Variants in AFF4 observed in about 807,000 individuals in gnomAD.
The protein encoded by AFF4 is AF4/FMR2 family member 4.
Under a neutral mutation model 124.8 loss-of-function variants are expected in AFF4, and 13 were observed. The ratio of observed to expected loss-of-function variants is 0.10; its 90% CI spans 0.07 to 0.17. The LOEUF is 0.17. Ranked by LOEUF, AFF4 falls within the 10% of genes least tolerant of loss-of-function variation. The pLI, the probability that AFF4 is intolerant of heterozygous loss-of-function variation, is 1.00. For missense variants in AFF4, 1,092 were observed against 1,403.8 expected (o/e 0.78, Z 3.55); for synonymous variants, 477 against 496.1 (o/e 0.96, Z 0.51).
intron 5 of AFF4, among the ~76,000 whole-genome samples, chr5:132,911,565 G>GA (rs1470936871): frequency 2.7e-5 from 4 of 146,276 alleles, no homozygotes; most frequent in Admixed American, 6.8e-5. Flanking sequence ...CAAAAAAAAA[G>GA]AAAAAAAAAG....
At chr5:132,947,019 T>TG (rs1761715452) in intron 1 of AFF4, among the ~76,000 whole-genome samples, 1 of 152,134 alleles carries the variant, frequency 6.6e-6, no homozygotes, top group Non-Finnish European at 1.5e-5. Flanking sequence ...ATCATGCCAC[T>TG]GCACTTTGTG....
intron 3 of AFF4, among the ~76,000 whole-genome samples, chr5:132,933,725 C>G (rs1236686055): frequency 6.6e-6 from 1 of 151,930 alleles, no homozygotes; most frequent in East Asian, 1.9e-4. Context: ...TTCCACAGAC[C>G]CAAAAGTCCC....
intron 5 of AFF4, among the ~76,000 whole-genome samples, chr5:132,909,537 CGTGT>C (rs144739211): frequency 5.3e-5 from 8 of 151,010 alleles, no homozygotes; most frequent in East Asian, 1.9e-4. Flanking sequence ...TGGTGGTGTG[CGTGT>C]GTGTGTGTGT....
At chr5:132,916,303 TTATCAA>T (rs1244732135) in intron 5 of AFF4, among the ~76,000 whole-genome samples, 2 of 150,412 alleles carry the variant, frequency 1.3e-5, no homozygotes, top group Admixed American at 1.3e-4. Flanking sequence ...TAGCTCATGC[TTATCAA>T]CCCAGTGCTT....
chr5:132,932,150 TTGAAA>T lies in AFF4; in HGVS notation c.963+23_963+27del, dbSNP rs1160368294. 4 of 1,551,980 alleles carry T rather than the reference TTGAAA, an allele frequency of 2.6e-6. No homozygotes were observed. In the African/African-American group the frequency reaches 5.5e-5, roughly 22 times the overall value. ...GGCAGAGCATAAAAAATTAAAGAAA[TTGAAA>T]TGATTTTTTTTAAAAAACTTACTTT... On this transcript the variant is annotated intron_variant, in intron 4 of 20. Coordinates refer to ENST00000265343, the MANE Select transcript of AFF4 (RefSeq NM_014423.4).
intron 1 of AFF4, among the ~76,000 whole-genome samples, chr5:132,957,964 A>T (rs1450626890): frequency 6.6e-6 from 1 of 152,174 alleles, no homozygotes; most frequent in Non-Finnish European, 1.5e-5. Context: ...ACCTAAACCC[A>T]ATGTAATATT....
Position 132,963,481 on chromosome 5 carries a change from G to C in AFF4, c.-227C>G, listed in dbSNP as rs904193227. The stretch of plus-strand genomic sequence containing the variant: ...ATGCGCCTCACACGGAACAGGCGTA[G>C]GCCCCGCACCGCTCCATGACGGTCG... On this transcript the variant is annotated 5_prime_UTR_variant, in exon 1 of 21. Transcript: ENST00000265343. 1 of 397,918 alleles carries C rather than the reference G, an allele frequency of 2.5e-6. No homozygotes were observed. Among genetic ancestry groups the C allele is most frequent in the African/African-American group, 2.1e-5 (1 of 48,588 alleles). The allele number at this position is 397,918 out of a possible 1,614,324, so 24.6% of individuals were successfully genotyped here.
rs145535591 is a variant in AFF4, at chr5:132,918,473, T to C, written c.1050+8648A>G. On this transcript the variant is annotated intron_variant, in intron 5 of 20. Transcript: ENST00000265343. ...GGTCAGGAGTTAGAGACCACCCTCG[T>C]CAACATGGTAAAACCTCGTCTCTAC... is the stretch of plus-strand genomic sequence containing the variant. 7.3e-4 allele frequency among the ~76,000 whole-genome samples: 111 copies of C among 152,036 alleles called. 1 individual carries two copies. Among genetic ancestry groups the C allele is most frequent in the Middle Eastern group, 6.8e-3 (2 of 294 alleles).
chr5:132,920,384 T>TCTCA (rs946255938), intron 5 of AFF4, among the ~76,000 whole-genome samples: 1 of 137,514 alleles, frequency 7.3e-6, no homozygotes, highest in African/African-American at 2.8e-5. Context: ...TGAGACAAGG[T>TCTCA]CTCACTCTGT....
intron 1 of AFF4, among the ~76,000 whole-genome samples, chr5:132,956,011 G>T (rs77457765): frequency 0.026 from 3,862 of 149,904 alleles, 145 homozygotes; most frequent in African/African-American, 0.089. Flanking sequence ...CGTAATACAT[G>T]TAAATATATG....
chr5:132,910,080 G>T (rs951884552), intron 5 of AFF4, among the ~76,000 whole-genome samples: 1 of 152,062 alleles, frequency 6.6e-6, no homozygotes, highest in Non-Finnish European at 1.5e-5. Flanking sequence ...CAAATGTTTG[G>T]TACAGGCAAA....
At chr5:132,899,338 A>T (rs1030825145) in intron 8 of AFF4, among the ~76,000 whole-genome samples, 197 bp from the exon 9 acceptor site, 1 of 152,208 alleles carries the variant, frequency 6.6e-6, no homozygotes, top group Non-Finnish European at 1.5e-5. Flanking sequence ...AATAGTTATT[A>T]TTGTCAATAA....
At position 132,883,394 on chromosome 5, in the gene AFF4, G is replaced by T. The variant is rs1346113741; in HGVS notation, c.3310C>A (p.Leu1104Ile). ...TGGTCCCAAATTTCGGTGGCATAGA[G>T]GAAGTTGGATGTGACCTGAACATAG... Reference protein sequence around the residue: ...ASYVQVTSNFLYATEIWDQAE... With the variant: ...ASYVQVTSNFIYATEIWDQAE... Residue 1104 changes from leucine (L) to isoleucine (I), a missense_variant, in exon 20 of 21, where the codon CTC (leucine) becomes ATC (isoleucine). Physicochemically the swap from Leu to Ile is conservative, Grantham distance 5 (BLOSUM62 2). Coordinates refer to ENST00000265343, the MANE Select transcript of AFF4 (RefSeq NM_014423.4). 5 of 1,613,960 alleles carry T rather than the reference G, an allele frequency of 3.1e-6. No individual in the cohort carries two copies. The highest frequency in any genetic ancestry group is 4.2e-6 in the Non-Finnish European group (5 of 1,180,034).
chr5:132,881,886 G>A (rs895353429), intron 20 of AFF4, among the ~76,000 whole-genome samples: 8 of 148,264 alleles, frequency 5.4e-5, no homozygotes, highest in African/African-American at 2.0e-4. Context: ...GGCTGGTCTC[G>A]AACTCCTGAC....
Position 132,875,930 on chromosome 5 carries a change from C to G in AFF4, c.*5129G>C. On this transcript the variant is annotated 3_prime_UTR_variant, in exon 21 of 21. Transcript: ENST00000265343. ...AGTACCTTTCTGCAAAATCAACAGG[C>G]TTTTAATTTATCAGTGACATTATCT... The G allele has an allele frequency of 4.4e-6, 1 of 226,696 alleles. No individual in the cohort carries two copies. Among genetic ancestry groups the G allele is most frequent in the Non-Finnish European group, 8.8e-6 (1 of 113,812 alleles). 14.0% of individuals were successfully genotyped at this position (226,696 alleles called of 1,614,324 possible). A position where few individuals can be genotyped will look rare whatever the true frequency, so the allele number is the denominator to read the frequency against.
At chr5:132,906,232 C>T (rs1393848614) in intron 5 of AFF4, among the ~76,000 whole-genome samples, 1 of 152,202 alleles carries the variant, frequency 6.6e-6, no homozygotes, top group Non-Finnish European at 1.5e-5. Context: ...AGAGTTACCA[C>T]ATGACCCAGC....
chr5:132,912,877 A>G (rs929379765), intron 5 of AFF4, among the ~76,000 whole-genome samples: 7 of 151,908 alleles, frequency 4.6e-5, no homozygotes, highest in Non-Finnish European at 8.8e-5. Context: ...ACACACACAC[A>G]CACACAAAAG....
chr5:132,911,811 T>C (rs993020073), intron 5 of AFF4, among the ~76,000 whole-genome samples: 3 of 148,680 alleles, frequency 2.0e-5, no homozygotes, highest in African/African-American at 5.0e-5. Flanking sequence ...ACTGAACAGA[T>C]TAAAAGCAAT....
rs1338194838 is a variant in AFF4, at chr5:132,945,756, C to CAAAATA, written c.-4-8569_-4-8564dup. Among the ~76,000 whole-genome samples, 22 of 149,874 alleles carry CAAAATA rather than the reference C, an allele frequency of 1.5e-4. No homozygotes were observed. The East Asian group carries it at 3.2e-3, about 22-fold the overall frequency. On this transcript the variant is annotated intron_variant, in intron 1 of 20. Transcript: ENST00000265343. ...TGGGCGACAGAACAAGACTCCATCT[C>CAAAATA]AAAATAAAAATAAAAATAAACAGGC... is the stretch of plus-strand genomic sequence containing the variant.
Sources: allele counts gnomAD v4.1 joint callset (sites outside exome capture counted in the v4.1 genomes callset), GRCh38; gene constraint gnomAD v4.1.1; transcripts MANE v1.5; gene names NCBI Gene and HGNC (gene_info 2026-07-23, HGNC 2026-07-21).